BACE2: variants seen among roughly 807,000 people sequenced by gnomAD.
The protein encoded by BACE2 is beta-secretase 2.
Under a neutral mutation model 46.2 loss-of-function variants are expected in BACE2, and 17 were observed. The observed-to-expected ratio is 0.37, with a 90% confidence interval of 0.25 to 0.55. The LOEUF (loss-of-function observed/expected upper bound fraction) is 0.55, where lower values mean the gene tolerates loss of function less well. Ranked by LOEUF, BACE2 falls within the 20% of genes least tolerant of loss-of-function variation. The pLI is 0.82. For synonymous variants in BACE2, 277 were observed against 295.9 expected (o/e 0.94, Z 0.66); for missense variants, 595 against 698.1 (o/e 0.85, Z 1.66).
chr21:41,226,130 TC>T, intron 1 of BACE2, 135 bp from the exon 2 acceptor site: 1 of 657,814 alleles, frequency 1.5e-6, no homozygotes, highest in South Asian at 2.0e-5. Flanking sequence ...TCTATTCTCC[TC>T]GTCAGTATAC....
intron 1 of BACE2, among the ~76,000 whole-genome samples, chr21:41,173,307 G>T (rs560971091): frequency 6.6e-6 from 1 of 152,154 alleles, no homozygotes; most frequent in Non-Finnish European, 1.5e-5. Flanking sequence ...CACAAATGAC[G>T]ATTTTAGTGC....
chr21:41,249,565 G>A (rs531225232), intron 6 of BACE2, among the ~76,000 whole-genome samples: 1 of 152,248 alleles, frequency 6.6e-6, no homozygotes, highest in East Asian at 1.9e-4. Context: ...TTCAGCACCT[G>A]CCATGTCCAG....
intron 8 of BACE2, 107 bp from the exon 9 acceptor site, chr21:41,275,264 G>A (rs532496684): frequency 2.4e-4 from 367 of 1,504,876 alleles, no homozygotes; most frequent in Middle Eastern, 1.2e-3. Context: ...TGGGACCTCA[G>A]TGGACTTTAA....
rs957911864 is a variant in BACE2, at chr21:41,273,533, C to T, written c.1304-1838C>T. On this transcript the variant is annotated intron_variant, in intron 8 of 8. Coordinates refer to ENST00000330333, the MANE Select transcript of BACE2 (RefSeq NM_012105.5). Reference sequence around the variant, plus strand: ...AAAGAAGAGAAATATGGCTCTGTTCCGCCCGGCTCTCAGGCAGCCAGACCT... The same window carrying T: ...AAAGAAGAGAAATATGGCTCTGTTCTGCCCGGCTCTCAGGCAGCCAGACCT... 6.6e-5 allele frequency among the ~76,000 whole-genome samples: 10 copies of T among 152,198 alleles called. No individual in the cohort carries two copies. In the East Asian group the frequency reaches 7.7e-4, roughly 12 times the overall value.
chr21:41,208,009 A>G (rs1305913847), intron 1 of BACE2, among the ~76,000 whole-genome samples: 1 of 152,224 alleles, frequency 6.6e-6, no homozygotes, highest in Non-Finnish European at 1.5e-5. Context: ...ATCACTGGCC[A>G]GACAGCCCTA....
intron 1 of BACE2, among the ~76,000 whole-genome samples, chr21:41,196,229 C>T (rs1007057736): frequency 6.6e-6 from 1 of 151,472 alleles, no homozygotes; most frequent in Non-Finnish European, 1.5e-5. Context: ...ACCTGGGAGG[C>T]AGAGGTTTCA....
chr21:41,227,422 G>A (rs1209116091), intron 2 of BACE2, among the ~76,000 whole-genome samples: 3 of 152,218 alleles, frequency 2.0e-5, no homozygotes, highest in Admixed American at 6.5e-5. Flanking sequence ...GGGACAAAAG[G>A]AGGGGGAAAG....
At chr21:41,170,116 T>C (rs1984550838) in intron 1 of BACE2, among the ~76,000 whole-genome samples, 1 of 152,022 alleles carries the variant, frequency 6.6e-6, no homozygotes, top group East Asian at 1.9e-4. Context: ...GTGGGTGGTC[T>C]GAGGGCTATG....
At chr21:41,198,495 T>G (rs1985820698) in intron 1 of BACE2, among the ~76,000 whole-genome samples, 1 of 152,252 alleles carries the variant, frequency 6.6e-6, no homozygotes, top group Non-Finnish European at 1.5e-5. Context: ...TGCATTCACC[T>G]GTCTGTTCCT....
Position 41,257,178 on chromosome 21 carries a change from G to A in BACE2, c.1155G>A (p.Met385Ile), listed in dbSNP as rs1285656916. 1 of 1,614,120 alleles carries A rather than the reference G, an allele frequency of 6.2e-7. No individual in the cohort carries two copies. Among genetic ancestry groups the A allele is most frequent in the Admixed American group, 1.7e-5 (1 of 60,010 alleles). ...ILPQLYIQPMMGAGLNYECYR... is the reference protein window; with the variant it reads ...ILPQLYIQPMIGAGLNYECYR... Reference sequence around the variant, plus strand: ...AACAGCTTTACATTCAGCCCATGATGGGGGCCGGCCTGAATTATGAATGTT... The same window carrying A: ...AACAGCTTTACATTCAGCCCATGATAGGGGCCGGCCTGAATTATGAATGTT... Residue 385 changes from methionine (M) to isoleucine (I), a missense_variant, in exon 8 of 9, where the codon ATG becomes ATA. Around this residue, in one of 3 missense-constraint regions of BACE2, gnomAD observed 343 missense variants for 419.4 expected, o/e 0.82. Transcript: ENST00000330333.
At position 41,280,060 on chromosome 21, in the gene BACE2, G is replaced by A. The variant is rs2088530218; in HGVS notation, c.*4436G>A. The A allele has an allele frequency of 6.6e-6, 1 of 152,232 alleles. No individual in the cohort carries two copies. The highest frequency in any genetic ancestry group is 1.5e-5 in the Non-Finnish European group (1 of 68,086). 9.4% of individuals were successfully genotyped at this position (152,232 alleles called of 1,614,324 possible). On this transcript the variant is annotated 3_prime_UTR_variant, in exon 9 of 9. Coordinates refer to ENST00000330333, the MANE Select transcript of BACE2 (RefSeq NM_012105.5). ...TTCTCAGGATTGATTATTTGCCAGA[G>A]GAACAATTAGGCCAAGAGAAACTTG... is the stretch of plus-strand genomic sequence containing the variant.
intron 3 of BACE2, among the ~76,000 whole-genome samples, chr21:41,239,796 C>G (rs777881379): frequency 2.6e-5 from 4 of 152,008 alleles, no homozygotes; most frequent in African/African-American, 4.8e-5. Context: ...ACCTTTTGTC[C>G]TCTGTATCAT....
intron 8 of BACE2, among the ~76,000 whole-genome samples, chr21:41,268,053 C>T (rs1045483045): frequency 7.9e-5 from 12 of 152,144 alleles, no homozygotes; most frequent in African/African-American, 2.9e-4. Flanking sequence ...AATTGTAACT[C>T]GAGACATTGA....
At chr21:41,244,875 G>C (rs1040884554) in intron 5 of BACE2, among the ~76,000 whole-genome samples, 2 of 151,898 alleles carry the variant, frequency 1.3e-5, no homozygotes. Flanking sequence ...GTGTGTGTGT[G>C]TGTGTGAGTG....
At chr21:41,183,607 A>G (rs1366603384) in intron 1 of BACE2, 2 of 167,188 alleles carry the variant, frequency 1.2e-5, no homozygotes, top group Non-Finnish European at 2.9e-5. Flanking sequence ...CATTGCTCAA[A>G]AGGAGATTCT....
At chr21:41,211,418 C>T (rs886223149) in intron 1 of BACE2, among the ~76,000 whole-genome samples, 2 of 152,358 alleles carry the variant, frequency 1.3e-5, no homozygotes, top group East Asian at 1.9e-4. Context: ...TGATTCCCCC[C>T]TCCCTTTATA....
intron 1 of BACE2, among the ~76,000 whole-genome samples, chr21:41,221,616 G>T (rs1268428163): frequency 6.6e-6 from 1 of 152,140 alleles, no homozygotes; most frequent in East Asian, 1.9e-4. Flanking sequence ...ACGAGGTCAG[G>T]AGATCGAGAC....
intron 8 of BACE2, among the ~76,000 whole-genome samples, chr21:41,267,203 C>T (rs1601322327): frequency 6.6e-6 from 1 of 152,130 alleles, no homozygotes; most frequent in Admixed American, 6.5e-5. Flanking sequence ...TCTTATGCTT[C>T]CCCTGCCTCT....
intron 1 of BACE2, among the ~76,000 whole-genome samples, chr21:41,219,752 T>C (rs1421458516): frequency 2.0e-5 from 3 of 152,228 alleles, no homozygotes; most frequent in African/African-American, 7.2e-5. Context: ...TTGCTTGGTG[T>C]CCTCTAAGTG....
Sources: gnomAD v4.1 joint callset for allele counts (sites outside exome capture counted in the v4.1 genomes callset) on GRCh38, gnomAD v4.1.1 for gene constraint, gnomAD v4.1.1 regional missense constraint, MANE v1.5 for transcripts, NCBI Gene and HGNC (gene_info 2026-07-23, HGNC 2026-07-21) for gene names.